The following PRIMA1 variants were observed in gnomAD, a reference collection of about 807,000 sequenced individuals.
PRIMA1 encodes proline-rich membrane anchor 1.
A neutral mutation model predicts 17.5 loss-of-function variants in PRIMA1; 7 were observed. The observed-to-expected ratio is 0.40, with a 90% CI of 0.23 to 0.75. The LOEUF (loss-of-function observed/expected upper bound fraction) is 0.75. PRIMA1 is among the 30% of genes least tolerant of loss of function. The pLI is 0.37. For synonymous variants in PRIMA1, 97 were observed against 77.9 expected, an observed-to-expected ratio of 1.25 and a Z score of -1.29; for missense variants, 200 against 201.8, an observed-to-expected ratio of 0.99 and a Z score of 0.05.
intron 4 of PRIMA1, among the ~76,000 whole-genome samples, chr14:93,728,571 C>T (rs556530524): frequency 2.3e-4 from 35 of 152,200 alleles, no homozygotes; most frequent in African/African-American, 7.7e-4. Context: ...CTGCAGTGGG[C>T]GTCACCTGAA....
At chr14:93,750,098 G>C (rs1193183831) in intron 3 of PRIMA1, among the ~76,000 whole-genome samples, 2 of 152,110 alleles carry the variant, frequency 1.3e-5, no homozygotes, top group African/African-American at 4.8e-5. Context: ...AGGAGAAACA[G>C]AATCGCTTGA....
At chr14:93,745,804 A>G (rs1372763367) in intron 3 of PRIMA1, among the ~76,000 whole-genome samples, 3 of 152,248 alleles carry the variant, frequency 2.0e-5, no homozygotes, top group African/African-American at 7.2e-5. Flanking sequence ...CGGGCTTTGA[A>G]TCAGAAGTAC....
chr14:93,718,635 AT>A lies in PRIMA1; in HGVS notation c.*2808del, dbSNP rs2076018566. 7.6e-4 allele frequency: 1 copy of A among 1,318 alleles called. No individual in the cohort carries two copies. The highest frequency in any genetic ancestry group is 0.056 in the South Asian group (1 of 18). The allele number at this position is 1,318 out of a possible 1,614,324, so 0.1% of individuals were successfully genotyped here. A position where few individuals can be genotyped will look rare whatever the true frequency, so the allele number is the denominator to read the frequency against. On this transcript the variant is annotated 3_prime_UTR_variant, in exon 5 of 5. Transcript: ENST00000393140. ...TGCAGAGAGTACAGTAGTTGTATTT[AT>A]ATATATATATATATGTAGAGATCTC...
chr14:93,752,682 A>C (rs1281247371), intron 3 of PRIMA1, among the ~76,000 whole-genome samples: 2 of 152,078 alleles, frequency 1.3e-5, no homozygotes, highest in Admixed American at 1.3e-4. Flanking sequence ...GCACACCGAG[A>C]CTTGGGCAGG....
At chr14:93,745,719 G>T (rs1361371689) in intron 3 of PRIMA1, among the ~76,000 whole-genome samples, 9 of 152,194 alleles carry the variant, frequency 5.9e-5, no homozygotes, top group Non-Finnish European at 8.8e-5. Context: ...TATCACGGTT[G>T]TCCCATCCCC....
intron 3 of PRIMA1, among the ~76,000 whole-genome samples, chr14:93,770,171 C>T (rs1421466229): frequency 2.6e-5 from 4 of 152,178 alleles, no homozygotes; most frequent in Admixed American, 2.6e-4. Flanking sequence ...CACCATCTCT[C>T]CCTGCACCGT....
chr14:93,736,107 C>T (rs896100679), intron 4 of PRIMA1, among the ~76,000 whole-genome samples: 3 of 152,198 alleles, frequency 2.0e-5, no homozygotes, highest in Non-Finnish European at 4.4e-5. Flanking sequence ...CACCAAACCC[C>T]GAGTGTCCCC....
chr14:93,762,586 C>T (rs866210614), intron 3 of PRIMA1, among the ~76,000 whole-genome samples: 2 of 152,204 alleles, frequency 1.3e-5, no homozygotes, highest in African/African-American at 2.4e-5. Context: ...CACCTGGTCC[C>T]GGTGGCTGTC....
chr14:93,724,155 C>G (rs2076060264), intron 4 of PRIMA1, among the ~76,000 whole-genome samples: 1 of 152,148 alleles, frequency 6.6e-6, no homozygotes, highest in Non-Finnish European at 1.5e-5. Context: ...AAAGTGCCAG[C>G]ATCTTCCCAT....
intron 3 of PRIMA1, among the ~76,000 whole-genome samples, chr14:93,760,785 G>C (rs551590245): frequency 2.6e-5 from 4 of 152,128 alleles, no homozygotes; most frequent in African/African-American, 4.8e-5. Context: ...GCAAACACTT[G>C]TTGGCCTCAC....
chr14:93,727,190 C>T (rs1305498915), intron 4 of PRIMA1, among the ~76,000 whole-genome samples: 2 of 152,230 alleles, frequency 1.3e-5, no homozygotes, highest in Admixed American at 6.5e-5. Context: ...GTTTGGCCGC[C>T]TCCGCTGAGC....
chr14:93,783,787 T>A (rs948263625), intron 2 of PRIMA1, among the ~76,000 whole-genome samples: 4 of 152,024 alleles, frequency 2.6e-5, no homozygotes, highest in Admixed American at 2.6e-4. Context: ...TGTCCTGGAG[T>A]CCCCTGGATT....
chr14:93,736,153 C>A, intron 4 of PRIMA1, among the ~76,000 whole-genome samples: 1 of 152,206 alleles, frequency 6.6e-6, no homozygotes, highest in East Asian at 1.9e-4. Context: ...GGCAGGAATA[C>A]CGAGGTCTGT....
chr14:93,755,342 G>T (rs1445799853), intron 3 of PRIMA1, among the ~76,000 whole-genome samples: 1 of 152,126 alleles, frequency 6.6e-6, no homozygotes, highest in Non-Finnish European at 1.5e-5. Flanking sequence ...TCGGTGTGAT[G>T]GGGGCCACCT....
At chr14:93,737,820 C>T (rs1428106814) in intron 3 of PRIMA1, among the ~76,000 whole-genome samples, 1 of 152,196 alleles carries the variant, frequency 6.6e-6, no homozygotes, top group Non-Finnish European at 1.5e-5. Flanking sequence ...CTGAGCGCCA[C>T]GCCCCAGGCC....
intron 3 of PRIMA1, among the ~76,000 whole-genome samples, chr14:93,743,824 C>T (rs1029838577): frequency 3.3e-5 from 5 of 152,336 alleles, no homozygotes; most frequent in Admixed American, 2.0e-4. Context: ...CACTCCCTCC[C>T]GCCCACCAAA....
intron 3 of PRIMA1, among the ~76,000 whole-genome samples, chr14:93,756,496 G>A (rs1001237598): frequency 3.9e-5 from 6 of 152,146 alleles, no homozygotes; most frequent in East Asian, 1.9e-4. Context: ...TTACCCGAGG[G>A]TGGGCAGGAG....
In PRIMA1 at chr14:93,719,496, C is replaced by T. The variant is rs1208329559; in HGVS notation, c.*1948G>A. 1 of 152,410 alleles carries T rather than the reference C, an allele frequency of 6.6e-6. No homozygotes were observed. Among genetic ancestry groups the T allele is most frequent in the Non-Finnish European group, 1.5e-5 (1 of 68,180 alleles). The allele number at this position is 152,410 out of a possible 1,614,324, so 9.4% of individuals were successfully genotyped here. A position where few individuals can be genotyped will look rare whatever the true frequency, so the allele number is the denominator to read the frequency against. On this transcript the variant is annotated 3_prime_UTR_variant, in exon 5 of 5. Coordinates refer to ENST00000393140, the MANE Select transcript of PRIMA1 (RefSeq NM_178013.4). Reference sequence around the variant, plus strand: ...ACAGCCCAAGGCATGGGCACTTTCTCATGGTTGCAGCACAGGGTGGTGTGT... The same window carrying T: ...ACAGCCCAAGGCATGGGCACTTTCTTATGGTTGCAGCACAGGGTGGTGTGT...
intron 3 of PRIMA1, among the ~76,000 whole-genome samples, chr14:93,762,099 C>T (rs1884750121): frequency 6.6e-6 from 1 of 152,146 alleles, no homozygotes; most frequent in African/African-American, 2.4e-5. Context: ...ATGTGGAAGC[C>T]CAGGAGGCAG....
Sources: gnomAD v4.1 joint callset for allele counts (sites outside exome capture counted in the v4.1 genomes callset) on GRCh38, gnomAD v4.1.1 for gene constraint, MANE v1.5 for transcripts, NCBI Gene and HGNC (gene_info 2026-07-23, HGNC 2026-07-21) for gene names.